Variants in TTC19 observed in about 807,000 individuals in gnomAD.
The protein encoded by TTC19 is tetratricopeptide repeat protein 19, mitochondrial.
A neutral mutation model predicts 49.5 loss-of-function variants in TTC19; 38 were observed. The ratio of observed to expected loss-of-function variants is 0.77; its 90% CI spans 0.59 to 1.01. TTC19 has a LOEUF of 1.01. Among genes scored for constraint, TTC19 ranks in the 50% least tolerant of loss-of-function variants. The pLI is 0.00. For synonymous variants in TTC19, 204 were observed against 185.2 expected, an observed-to-expected ratio of 1.10 and a Z score of -0.83; for missense variants, 475 against 477.7, an observed-to-expected ratio of 0.99 and a Z score of 0.05.
chr17:16,003,963 AGCCCCACCACATGCTTTGGTCAGGAAAG>A, intron 5 of TTC19, 76 bp downstream of exon 5: 1 of 1,481,096 alleles, frequency 6.8e-7, no homozygotes, highest in Non-Finnish European at 9.4e-7. Flanking sequence ...AACTCCTCCT[AGCCCCACCACATGCTTTGGTCAGGAAAG>A]GTGGAGTTTC....
At chr17:16,006,279 G>A (rs1027191731) in intron 6 of TTC19, among the ~76,000 whole-genome samples, 195 bp from the exon 7 acceptor site, 5 of 152,012 alleles carry the variant, frequency 3.3e-5, no homozygotes, top group South Asian at 2.1e-4. Context: ...GCATAGTGGC[G>A]GGCACCTGTA....
At chr17:16,031,602 G>GA (rs984623762), downstream of TTC19, 3,299 of 196,704 alleles carry the variant, frequency 0.017, no homozygotes, top group Middle Eastern at 0.036. Flanking sequence ...TGCTACTAAT[G>GA]AAAAAAAAAA....
chr17:16,006,563 T>C lies in TTC19; in HGVS notation c.671T>C (p.Met224Thr), dbSNP rs1206340165. The change falls in exon 7 of 10, where the codon ATG becomes ACG. Residue 224 changes from methionine (M) to threonine (T), a missense_variant. Met to Thr is a moderately conservative substitution (Grantham distance 81). Coordinates refer to ENST00000261647, the MANE Select transcript of TTC19 (RefSeq NM_017775.4). Reference sequence around the variant, plus strand: ...GAAAAGGAATTAGCAGAAGACATTATGTCAGGTAGGAAACCCATTATCTGG... The same window carrying C: ...GAAAAGGAATTAGCAGAAGACATTACGTCAGGTAGGAAACCCATTATCTGG... Reference protein sequence around the residue: ...EREKELAEDIMSVEEKANTHL... With the variant: ...EREKELAEDITSVEEKANTHL... 1.2e-6 allele frequency: 2 copies of C among 1,602,880 alleles called. No homozygotes were observed. The highest frequency in any genetic ancestry group is 2.2e-5 in the East Asian group (1 of 44,820).
chr17:16,044,572 G>A (rs777706208), exon 3 of TTC19: 13 of 521,224 alleles, frequency 2.5e-5, no homozygotes, highest in East Asian at 5.4e-5. Context: ...CACTTCATCC[G>A]GCAACTACCA....
intron 2 of TTC19, among the ~76,000 whole-genome samples, chr17:16,042,227 G>T (rs1332230402): frequency 6.6e-6 from 1 of 152,158 alleles, no homozygotes; most frequent in African/African-American, 2.4e-5. Context: ...TTACTTATGG[G>T]CCAGGTGACA....
At chr17:16,040,564 A>T in intron 2 of TTC19, 1 of 1,242,276 alleles carries the variant, frequency 8.0e-7, no homozygotes, top group South Asian at 1.3e-5. Context: ...AGTCTCAAAA[A>T]ATTCCTATAA....
At chr17:16,034,986 C>G in intron 2 of TTC19, 1 of 1,575,702 alleles carries the variant, frequency 6.3e-7, no homozygotes, top group African/African-American at 1.4e-5. Flanking sequence ...ATATTAAGTT[C>G]TCAAAAATTA....
Position 16,028,589 on chromosome 17 carries a change from C to T in TTC19, c.*1067C>T, listed in dbSNP as rs890913263. On this transcript the variant is annotated 3_prime_UTR_variant, in exon 10 of 10. Transcript: ENST00000261647. ...ATGTAAAGATACATAGGTGGATGCT[C>T]TTACTGCAGCAGTCATGAATACATT... 1.3e-5 allele frequency: 6 copies of T among 453,742 alleles called. No individual in the cohort carries two copies. The highest frequency in any genetic ancestry group is 1.0e-4 in the African/African-American group (5 of 49,926). The allele number at this position is 453,742 out of a possible 1,614,324, so 28.1% of individuals were successfully genotyped here. A position where few individuals can be genotyped will look rare whatever the true frequency, so the allele number is the denominator to read the frequency against.
At chr17:16,013,137 G>A (rs1210835544) in intron 7 of TTC19, among the ~76,000 whole-genome samples, 1 of 152,154 alleles carries the variant, frequency 6.6e-6, no homozygotes, top group Admixed American at 6.5e-5. Flanking sequence ...CCAAGAGGTC[G>A]AGGCTGCAGT....
chr17:16,036,535 T>C (rs1692152459), intron 2 of TTC19, among the ~76,000 whole-genome samples: 1 of 152,216 alleles, frequency 6.6e-6, no homozygotes, highest in South Asian at 2.1e-4. Flanking sequence ...GGAAGATCTG[T>C]TGTTTAATGC....
chr17:16,002,818 G>A lies in TTC19; in HGVS notation c.449G>A (p.Gly150Asp). Residue 150 changes from glycine to aspartate, a missense_variant, in exon 4 of 10, where the codon GGT (glycine) becomes GAT (aspartate). Coordinates refer to ENST00000261647, the MANE Select transcript of TTC19 (RefSeq NM_017775.4). Reference sequence around the variant, plus strand: ...ATGGCCAACTTAGCATTTATACGGGGTCAGCTTGAAAATGTAAGTAAATTG... The same window carrying A: ...ATGGCCAACTTAGCATTTATACGGGATCAGCTTGAAAATGTAAGTAAATTG... ...DLMANLAFIRGQLENAEQLFK... is the reference protein window; with the variant it reads ...DLMANLAFIRDQLENAEQLFK... 6.2e-7 allele frequency: 1 copy of A among 1,614,010 alleles called. No homozygotes were observed. The highest frequency in any genetic ancestry group is 8.5e-7 in the Non-Finnish European group (1 of 1,179,990).
At chr17:16,040,261 A>C in intron 2 of TTC19, 1 of 692,314 alleles carries the variant, frequency 1.4e-6, no homozygotes, top group South Asian at 1.5e-5. Context: ...ATAGGTATTT[A>C]CTGGATCTCA....
intron 2 of TTC19, chr17:16,034,914 T>C: frequency 6.2e-7 from 1 of 1,614,170 alleles, no homozygotes; most frequent in Non-Finnish European, 8.5e-7. Context: ...GCTGTTTGAC[T>C]TGCTGATCAG....
chr17:16,007,889 A>T (rs145264239), intron 7 of TTC19, among the ~76,000 whole-genome samples: 1 of 152,136 alleles, frequency 6.6e-6, no homozygotes, highest in African/African-American at 2.4e-5. Context: ...CTGTACACCA[A>T]TTTTTTTGTT....
chr17:16,022,121 T>C (rs1269889002), intron 7 of TTC19, among the ~76,000 whole-genome samples: 1 of 151,146 alleles, frequency 6.6e-6, no homozygotes, highest in South Asian at 2.1e-4. Context: ...TCCTGGTTTA[T>C]GCATTGGCTT....
rs59177775 is a variant in TTC19, at chr17:16,028,818, C to CAAAA, written c.*1321_*1324dup. The stretch of plus-strand genomic sequence containing the variant: ...GTATCCCAGTAATCTTTGCATTTCT[C>CAAAA]AAAAAAAAAAAAAAAAAAAAAAAAA... On this transcript the variant is annotated 3_prime_UTR_variant, in exon 10 of 10. Transcript: ENST00000261647. 1,393 of 98,610 alleles carry CAAAA rather than the reference C, an allele frequency of 0.014. 32 individuals carry two copies. Among genetic ancestry groups the CAAAA allele is most frequent in the East Asian group, 0.02 (68 of 3,348 alleles). The allele number at this position is 98,610 out of a possible 1,614,324, so 6.1% of individuals were successfully genotyped here.
At chr17:16,026,069 A>G (rs1454460374) in intron 8 of TTC19, among the ~76,000 whole-genome samples, 1 of 152,128 alleles carries the variant, frequency 6.6e-6, no homozygotes, top group Non-Finnish European at 1.5e-5. Flanking sequence ...CAAATTAAAA[A>G]AACTCCTACT....
intron 7 of TTC19, among the ~76,000 whole-genome samples, chr17:16,017,726 A>T (rs2151668693): frequency 6.6e-6 from 1 of 152,316 alleles, no homozygotes; most frequent in Admixed American, 6.5e-5. Context: ...ACGCCATTGC[A>T]CTCCAGCCTG....
At chr17:16,032,104 TTTTG>T (rs1480231222), downstream of TTC19, 7 of 572,496 alleles carry the variant, frequency 1.2e-5, no homozygotes, top group Admixed American at 3.9e-5. Context: ...AAAGGCAGTT[TTTTG>T]TTTGTTTTTT....
Sources: gnomAD v4.1 joint callset for allele counts (sites outside exome capture counted in the v4.1 genomes callset) on GRCh38, gnomAD v4.1.1 for gene constraint, MANE v1.5 for transcripts, NCBI Gene and HGNC (gene_info 2026-07-23, HGNC 2026-07-21) for gene names.